The following C12orf54 variants were observed in gnomAD, a reference collection of about 807,000 sequenced individuals.
C12orf54 encodes uncharacterized protein C12orf54.
In C12orf54, 24 loss-of-function variants were observed where a neutral mutation model predicts 26.4. The observed-to-expected ratio is 0.91, with a 90% CI of 0.66 to 1.28. C12orf54 has a LOEUF of 1.28. C12orf54 is among the 50% of genes most tolerant of loss of function. C12orf54 has a pLI of 0.00. For missense variants in C12orf54, 154 were observed against 150.9 expected, an observed-to-expected ratio of 1.02 and a Z score of -0.11; for synonymous variants, 54 against 47.0, an observed-to-expected ratio of 1.15 and a Z score of -0.61.
chr12:48,486,835 AC>A, intron 4 of C12orf54, 109 bp downstream of exon 4: 4 of 1,119,318 alleles, frequency 3.6e-6, no homozygotes, highest in Non-Finnish European at 5.3e-6. Context: ...TTGTTGATTG[AC>A]GGTGAAGGAT....
the C12orf54 span, among the ~76,000 whole-genome samples, chr12:48,463,895 A>T: frequency 6.6e-6 from 1 of 152,128 alleles, no homozygotes; most frequent in Admixed American, 6.6e-5. Context: ...TTTCATGTTA[A>T]AAACTCTCAA....
At chr12:48,455,526 A>G in the C12orf54 span, among the ~76,000 whole-genome samples, 3 of 152,248 alleles carry the variant, frequency 2.0e-5, no homozygotes, top group Non-Finnish European at 4.4e-5. Flanking sequence ...AAACGTCAGC[A>G]GAACAGCAGT....
the C12orf54 span, among the ~76,000 whole-genome samples, chr12:48,416,544 G>A: frequency 4.6e-5 from 7 of 152,126 alleles, no homozygotes; most frequent in African/African-American, 1.7e-4. Flanking sequence ...CCATTAAGAG[G>A]TGGAGCCTTT....
At chr12:48,460,364 G>T in the C12orf54 span, among the ~76,000 whole-genome samples, 10 of 152,006 alleles carry the variant, frequency 6.6e-5, no homozygotes, top group Non-Finnish European at 1.3e-4. Context: ...TGAAACTTTG[G>T]AAATAAGGCT....
the C12orf54 span, among the ~76,000 whole-genome samples, chr12:48,428,352 A>G: frequency 6.6e-6 from 1 of 152,054 alleles, no homozygotes; most frequent in South Asian, 2.1e-4. Context: ...AAACAAAAAA[A>G]AAATACAAAA....
chr12:48,450,949 G>A, the C12orf54 span, among the ~76,000 whole-genome samples: 4 of 152,024 alleles, frequency 2.6e-5, no homozygotes, highest in African/African-American at 9.7e-5. Flanking sequence ...AAAATGGAAA[G>A]GGAGGGACTC....
the C12orf54 span, among the ~76,000 whole-genome samples, chr12:48,474,273 G>A: frequency 2.0e-5 from 3 of 152,190 alleles, no homozygotes; most frequent in Non-Finnish European, 2.9e-5. Flanking sequence ...GAGCCAAGAT[G>A]GCCGAATGGG....
At chr12:48,489,883 G>T (rs376624420) in intron 5 of C12orf54, among the ~76,000 whole-genome samples, 1 of 151,830 alleles carries the variant, frequency 6.6e-6, no homozygotes. Flanking sequence ...CACCACGCCC[G>T]GCTAATTTCT....
chr12:48,493,535 A>C (rs1937838171), intron 7 of C12orf54, among the ~76,000 whole-genome samples: 1 of 150,692 alleles, frequency 6.6e-6, no homozygotes, highest in African/African-American at 2.4e-5. Flanking sequence ...TGAAAGGACA[A>C]CCTGAGCCTG....
the C12orf54 span, among the ~76,000 whole-genome samples, chr12:48,436,806 A>G: frequency 6.6e-6 from 1 of 152,242 alleles, no homozygotes; most frequent in Non-Finnish European, 1.5e-5. Flanking sequence ...GAAAGCAGGA[A>G]AGATCTAAAA....
chr12:48,422,461 C>A, the C12orf54 span, among the ~76,000 whole-genome samples: 860 of 152,256 alleles, frequency 5.6e-3, 49 homozygotes, highest in East Asian at 0.14. Context: ...TAGCTTTCTA[C>A]ACTTTGAACT....
At chr12:48,413,781 G>T in the C12orf54 span, among the ~76,000 whole-genome samples, 1 of 152,188 alleles carries the variant, frequency 6.6e-6, no homozygotes, top group African/African-American at 2.4e-5. Flanking sequence ...TGCACAATTA[G>T]TCTCTGCTTT....
intron 5 of C12orf54, 93 bp from the exon 6 acceptor site, chr12:48,490,719 T>A: frequency 7.0e-7 from 1 of 1,423,126 alleles, no homozygotes; most frequent in Non-Finnish European, 9.8e-7. Flanking sequence ...CAAACAGACA[T>A]CCCTGCATTT....
the C12orf54 span, among the ~76,000 whole-genome samples, chr12:48,444,373 G>A: frequency 6.6e-6 from 1 of 152,152 alleles, no homozygotes; most frequent in Non-Finnish European, 1.5e-5. Context: ...AATTTGGAGG[G>A]CAGCAAAAAG....
chr12:48,477,904 A>G (rs892590577), upstream of C12orf54, among the ~76,000 whole-genome samples: 5 of 152,244 alleles, frequency 3.3e-5, no homozygotes, highest in Admixed American at 6.5e-5. Flanking sequence ...TTATGAGGCC[A>G]GCATCATCCT....
the C12orf54 span, among the ~76,000 whole-genome samples, chr12:48,433,464 G>A: frequency 2.0e-5 from 3 of 148,926 alleles, no homozygotes; most frequent in Admixed American, 6.7e-5. Context: ...TTGGGGGGGG[G>A]GGGGGCAGGA....
chr12:48,434,855 T>C, the C12orf54 span, among the ~76,000 whole-genome samples: 1 of 151,802 alleles, frequency 6.6e-6, no homozygotes, highest in Non-Finnish European at 1.5e-5. Flanking sequence ...ACCGAGCACC[T>C]CTCCCCCTCC....
the C12orf54 span, among the ~76,000 whole-genome samples, chr12:48,465,421 T>C: frequency 6.6e-6 from 1 of 152,174 alleles, no homozygotes; most frequent in Admixed American, 6.5e-5. Flanking sequence ...TAACTGATGC[T>C]GGCAAGGTTG....
chr12:48,450,790 C>G, the C12orf54 span, among the ~76,000 whole-genome samples: 1 of 152,106 alleles, frequency 6.6e-6, no homozygotes, highest in African/African-American at 2.4e-5. Flanking sequence ...GAAATTGAAT[C>G]CTGGAACAGA....
Sources: allele counts gnomAD v4.1 joint callset (sites outside exome capture counted in the v4.1 genomes callset), GRCh38; gene constraint gnomAD v4.1.1; transcripts MANE v1.5; gene names NCBI Gene and HGNC (gene_info 2026-07-23, HGNC 2026-07-21).